Variants in RAB3GAP1 observed in about 807,000 individuals in gnomAD.
RAB3GAP1 encodes RAB3 GTPase activating protein catalytic subunit 1.
RAB3GAP1 carries 86 observed loss-of-function variants against 130.7 expected under a neutral mutation model. That is an observed-to-expected ratio of 0.66 (90% CI 0.55 to 0.79). RAB3GAP1 has a LOEUF of 0.79. RAB3GAP1 is among the 30% of genes least tolerant of loss of function. The pLI is 0.00. For missense variants in RAB3GAP1, 1,029 were observed against 1,169.4 expected (o/e 0.88, Z 1.75); for synonymous variants, 367 against 401.7 (o/e 0.91, Z 1.03).
At chr2:135,106,768 T>TAAAAAAAAAAAAAAAAAAA (rs1690637700) in intron 5 of RAB3GAP1, among the ~76,000 whole-genome samples, 1 of 61,474 alleles carries the variant, frequency 1.6e-5, no homozygotes, top group Non-Finnish European at 3.5e-5. Context: ...AAAAAAAAAA[T>TAAAAAAAAAAAAAAAAAAA]AAAAAAATAA....
chr2:135,053,407 T>C (rs1688931932), intron 2 of RAB3GAP1, among the ~76,000 whole-genome samples: 1 of 152,270 alleles, frequency 6.6e-6, no homozygotes. Context: ...GAAACTGTTC[T>C]ATTACTGAAA....
chr2:135,167,571 C>A, intron 23 of RAB3GAP1: 1 of 787,306 alleles, frequency 1.3e-6, no homozygotes, highest in Non-Finnish European at 2.0e-6. Flanking sequence ...TTGATAGGAT[C>A]ATGTTCCATA....
intron 5 of RAB3GAP1, among the ~76,000 whole-genome samples, chr2:135,102,017 G>T (rs1042842523): frequency 5.3e-5 from 8 of 152,164 alleles, no homozygotes; most frequent in African/African-American, 1.9e-4. Flanking sequence ...CCCAGAGATG[G>T]TCCACAACCT....
At chr2:135,127,637 C>T (rs891961213) in intron 11 of RAB3GAP1, among the ~76,000 whole-genome samples, 1 of 152,050 alleles carries the variant, frequency 6.6e-6, no homozygotes, top group Non-Finnish European at 1.5e-5. Flanking sequence ...CCGCCGCACC[C>T]GACCTGAAGA....
At chr2:135,080,369 A>G (rs1370773307) in intron 3 of RAB3GAP1, among the ~76,000 whole-genome samples, 1 of 152,222 alleles carries the variant, frequency 6.6e-6, no homozygotes, top group Admixed American at 6.5e-5. Flanking sequence ...AATGTGATAC[A>G]TACTTATGAG....
At chr2:135,076,411 T>G (rs1329291489) in intron 3 of RAB3GAP1, among the ~76,000 whole-genome samples, 3 of 152,100 alleles carry the variant, frequency 2.0e-5, no homozygotes, top group Non-Finnish European at 4.4e-5. Flanking sequence ...AGACTAAAAC[T>G]ATCTCATTTT....
intron 19 of RAB3GAP1, among the ~76,000 whole-genome samples, chr2:135,156,644 G>C (rs1357560719): frequency 6.6e-6 from 1 of 152,126 alleles, no homozygotes; most frequent in Non-Finnish European, 1.5e-5. Context: ...CTTAAAATCA[G>C]AAAATATATA....
At position 135,169,024 on chromosome 2, in the gene RAB3GAP1, A is replaced by AG; in HGVS notation, c.*243_*244insG. 1.2e-5 allele frequency: 1 copy of AG among 84,812 alleles called. No homozygotes were observed. Among genetic ancestry groups the AG allele is most frequent in the Admixed American group, 1.8e-4 (1 of 5,424 alleles). The allele number at this position is 84,812 out of a possible 1,614,324, so 5.3% of individuals were successfully genotyped here. ...TCTGCCCTAGAGATGGCCTTTGTAT[A>AG]TGGGGGGGTGGTGGGGGGACACAAA... On this transcript the variant is annotated 3_prime_UTR_variant, in exon 24 of 24. Transcript: ENST00000264158.
rs144534253 is a variant in RAB3GAP1, at chr2:135,150,486, T to G, written c.2041T>G (p.Ser681Ala). The G allele has an allele frequency of 5.6e-6, 9 of 1,614,048 alleles. No homozygotes were observed. Among genetic ancestry groups the G allele is most frequent in the African/African-American group, 1.3e-5 (1 of 74,914 alleles). ...ACGCATGCAGAGTGCCTGTCTGCTC[T>G]CAGATATGGAGTCTTTTAAGGTGGG... ...RARMQSACLL[S>A]DMESFKAANP... The change falls in exon 18 of 24, where the codon TCA (serine) becomes GCA (alanine). Residue 681 changes from serine to alanine, a missense_variant. By Grantham distance (99) the Ser-to-Ala change is moderately conservative (BLOSUM62 1). Around this residue, in one of 3 missense-constraint regions of RAB3GAP1, gnomAD observed 373 missense variants for 493.6 expected, o/e 0.76. Transcript: ENST00000264158.
At chr2:135,141,583 C>T (rs1691840527) in intron 17 of RAB3GAP1, among the ~76,000 whole-genome samples, 1 of 152,130 alleles carries the variant, frequency 6.6e-6, no homozygotes, top group Non-Finnish European at 1.5e-5. Context: ...AATACAGTCT[C>T]ATCTATCCTT....
chr2:135,130,423 T>C (rs539458200), intron 12 of RAB3GAP1, 129 bp from the exon 13 acceptor site: 1 of 773,932 alleles, frequency 1.3e-6, no homozygotes, highest in African/African-American at 1.8e-5. Flanking sequence ...TAATATTTTA[T>C]AATTCCAAGA....
In RAB3GAP1 at chr2:135,168,991, G is replaced by C. The variant is rs1293443243; in HGVS notation, c.*210G>C. ...GCAGCGAGGATGGGCTTGAGCTGTT[G>C]AGAGATTTCTGCCCTAGAGATGGCC... On this transcript the variant is annotated 3_prime_UTR_variant, in exon 24 of 24. Coordinates refer to ENST00000264158, the MANE Select transcript of RAB3GAP1 (RefSeq NM_012233.3). 9.7e-6 allele frequency: 4 copies of C among 414,262 alleles called. No homozygotes were observed. The highest frequency in any genetic ancestry group is 1.8e-5 in the Non-Finnish European group (4 of 219,330). 25.7% of individuals were successfully genotyped at this position (414,262 alleles called of 1,614,324 possible).
intron 1 of RAB3GAP1, 44 bp from the exon 2 acceptor site, chr2:135,052,386 G>A: frequency 6.2e-7 from 1 of 1,614,056 alleles, no homozygotes; most frequent in Non-Finnish European, 8.5e-7. Flanking sequence ...TCATGTCTTC[G>A]CCTTGGGGCT....
chr2:135,062,573 G>A (rs1443730877), intron 3 of RAB3GAP1, among the ~76,000 whole-genome samples: 2 of 152,206 alleles, frequency 1.3e-5, no homozygotes, highest in Non-Finnish European at 2.9e-5. Flanking sequence ...AAAGGAGTAT[G>A]ATTATGCTGA....
At position 135,058,073 on chromosome 2, in the gene RAB3GAP1, A is replaced by G; in HGVS notation, c.137A>G (p.Lys46Arg). Reference sequence around the variant, plus strand: ...AAACTGATTGGAAACTCTTTGGGAAAGCCACTCGAAAAGGTCAGATCTATT... The same window carrying G: ...AAACTGATTGGAAACTCTTTGGGAAGGCCACTCGAAAAGGTCAGATCTATT... ...DWKLIGNSLG[K>R]PLEKGIFTSG... Residue 46 changes from lysine (K) to arginine (R), a missense_variant, in exon 3 of 24, where the codon AAG (lysine) becomes AGG (arginine). This residue lies in a region of RAB3GAP1 where 510 missense variants were observed against 532.1 expected (regional missense o/e 0.96). Coordinates refer to ENST00000264158, the MANE Select transcript of RAB3GAP1 (RefSeq NM_012233.3). 2.5e-6 allele frequency: 4 copies of G among 1,611,660 alleles called. No homozygotes were observed. The highest frequency in any genetic ancestry group is 3.4e-6 in the Non-Finnish European group (4 of 1,177,928).
chr2:135,077,126 C>T (rs1485193635), intron 3 of RAB3GAP1, among the ~76,000 whole-genome samples: 3 of 152,050 alleles, frequency 2.0e-5, no homozygotes, highest in African/African-American at 7.2e-5. Flanking sequence ...AAAAATTAGC[C>T]AGGCATGGTG....
intron 3 of RAB3GAP1, among the ~76,000 whole-genome samples, chr2:135,067,304 A>G (rs1041782713): frequency 1.3e-5 from 2 of 152,230 alleles, no homozygotes; most frequent in African/African-American, 2.4e-5. Flanking sequence ...TTCAGTAAAT[A>G]AAAACAGAAG....
intron 3 of RAB3GAP1, among the ~76,000 whole-genome samples, chr2:135,082,164 T>TGAATGAATGAATGAATGAATGAATA (rs1400932617): frequency 6.6e-6 from 1 of 151,934 alleles, no homozygotes; most frequent in African/African-American, 2.4e-5. Context: ...AATGAATGAA[T>TGAATGAATGAATGAATGAATGAATA]AAATAAATAA....
rs200869351 is a variant in RAB3GAP1, at chr2:135,169,974, TAAA to T, written c.*1206_*1208del. ...AGCTGTGCAAACCCTGTTATTTTTG[TAAA>T]AAAAAAAAAAAATACATATCTATAT... On this transcript the variant is annotated 3_prime_UTR_variant, in exon 24 of 24. Coordinates refer to ENST00000264158, the MANE Select transcript of RAB3GAP1 (RefSeq NM_012233.3). 638 of 215,110 alleles carry T rather than the reference TAAA, an allele frequency of 3.0e-3. No individual in the cohort carries two copies. The highest frequency in any genetic ancestry group is 9.3e-3 in the South Asian group (161 of 17,352). 13.3% of individuals were successfully genotyped at this position (215,110 alleles called of 1,614,324 possible). A position where few individuals can be genotyped will look rare whatever the true frequency, so the allele number is the denominator to read the frequency against.
Sources: gnomAD v4.1 joint callset for allele counts (sites outside exome capture counted in the v4.1 genomes callset) on GRCh38, gnomAD v4.1.1 for gene constraint, gnomAD v4.1.1 regional missense constraint, MANE v1.5 for transcripts, NCBI Gene and HGNC (gene_info 2026-07-23, HGNC 2026-07-21) for gene names.